The following MEIS2 variants were observed in gnomAD, a reference collection of about 807,000 sequenced individuals.
MEIS2 encodes the protein homeobox protein Meis2.
In MEIS2, 9 loss-of-function variants were observed where a neutral mutation model predicts 58.6. The ratio of observed to expected loss-of-function variants is 0.15; its 90% CI spans 0.09 to 0.27. The LOEUF is 0.27. Ranked by LOEUF, MEIS2 falls within the 10% of genes least tolerant of loss-of-function variation. The probability of loss-of-function intolerance (pLI) is 1.00; values close to 1 mark genes in which losing one functional copy is unlikely to be tolerated. For missense variants in MEIS2, 427 were observed against 635.0 expected, an observed-to-expected ratio of 0.67 and a Z score of 3.52; for synonymous variants, 221 against 228.4, an observed-to-expected ratio of 0.97 and a Z score of 0.29.
At chr15:36,971,537 T>TAA (rs71126247) in intron 8 of MEIS2, among the ~76,000 whole-genome samples, 9 of 67,086 alleles carry the variant, frequency 1.3e-4, no homozygotes, top group African/African-American at 2.1e-4. Flanking sequence ...CTTGTTACAT[T>TAA]AAAAAAAAAA....
At chr15:36,982,189 C>T (rs960423957) in intron 8 of MEIS2, among the ~76,000 whole-genome samples, 4 of 152,216 alleles carry the variant, frequency 2.6e-5, no homozygotes, top group Admixed American at 2.6e-4. Flanking sequence ...TCTGGAGAAT[C>T]CTGACTGATA....
intron 9 of MEIS2, among the ~76,000 whole-genome samples, chr15:36,930,979 CAGTG>C (rs1431590131): frequency 1.3e-5 from 2 of 152,184 alleles, no homozygotes; most frequent in South Asian, 2.1e-4. Context: ...ATCAAAATTG[CAGTG>C]AGTAAGTGGT....
At position 36,895,031 on chromosome 15, in the gene MEIS2, G is replaced by A. The variant is rs1271752242; in HGVS notation, c.1147+120C>T. 8 of 967,538 alleles carry A rather than the reference G, an allele frequency of 8.3e-6. No homozygotes were observed. In the Admixed American group the frequency reaches 1.3e-4, roughly 16 times the overall value. The allele number at this position is 967,538 out of a possible 1,614,324, so 59.9% of individuals were successfully genotyped here. The stretch of plus-strand genomic sequence containing the variant: ...CCACCCAATGTAAAGAAAGCAGGCA[G>A]AGCAGGCAGCAGGCAAATGTTAAAC... On this transcript the variant is annotated intron_variant, in intron 11 of 11. Transcript: ENST00000561208.
At position 36,890,375 on chromosome 15, in the gene MEIS2, ATTTTGTTTTG is replaced by A. The variant is rs895483614; in HGVS notation, c.*1788_*1797del. On this transcript the variant is annotated 3_prime_UTR_variant, in exon 12 of 12. Transcript: ENST00000561208. ...TTTTGAAAATGGCATTATACCGTCC[ATTTTGTTTTG>A]TTTTGTTTTCAGAAAAAAGTTTAAG... is the stretch of plus-strand genomic sequence containing the variant. 1.3e-5 allele frequency: 2 copies of A among 152,126 alleles called. No homozygotes were observed. Among genetic ancestry groups the A allele is most frequent in the African/African-American group, 4.8e-5 (2 of 41,444 alleles). The allele number at this position is 152,126 out of a possible 1,614,324, so 9.4% of individuals were successfully genotyped here. A position where few individuals can be genotyped will look rare whatever the true frequency, so the allele number is the denominator to read the frequency against.
intron 8 of MEIS2, among the ~76,000 whole-genome samples, chr15:37,034,268 G>C (rs947006403): frequency 6.6e-6 from 1 of 152,110 alleles, no homozygotes; most frequent in Non-Finnish European, 1.5e-5. Context: ...GAAAAATGGG[G>C]AAACAGAAAG....
At chr15:36,992,546 A>G (rs1321931001) in intron 8 of MEIS2, among the ~76,000 whole-genome samples, 2 of 152,136 alleles carry the variant, frequency 1.3e-5, no homozygotes, top group African/African-American at 2.4e-5. Context: ...TTTACTGTAA[A>G]TGGTGTTGTC....
intron 8 of MEIS2, among the ~76,000 whole-genome samples, chr15:37,017,459 A>G (rs1410524473): frequency 6.6e-6 from 1 of 152,044 alleles, no homozygotes; most frequent in African/African-American, 2.4e-5. Flanking sequence ...AAACATTTAG[A>G]AGTGAACTGG....
intron 7 of MEIS2, among the ~76,000 whole-genome samples, chr15:37,049,704 T>A (rs964888597): frequency 6.6e-6 from 1 of 151,902 alleles, no homozygotes; most frequent in Non-Finnish European, 1.5e-5. Flanking sequence ...GTCATGCTGG[T>A]CTCGAACTCC....
chr15:36,946,014 C>T (rs993393640), intron 9 of MEIS2, among the ~76,000 whole-genome samples: 5 of 151,812 alleles, frequency 3.3e-5, no homozygotes, highest in Non-Finnish European at 5.9e-5. Context: ...TACAGTATTC[C>T]TTCCTTTTAA....
intron 8 of MEIS2, among the ~76,000 whole-genome samples, chr15:36,960,123 C>G (rs1379271843): frequency 1.3e-5 from 2 of 152,098 alleles, no homozygotes; most frequent in Non-Finnish European, 2.9e-5. Flanking sequence ...ATTTTACTTG[C>G]ACAGATTATG....
chr15:36,894,813 C>T, intron 11 of MEIS2: 1 of 1,608,596 alleles, frequency 6.2e-7, no homozygotes, highest in Non-Finnish European at 8.5e-7. Context: ...CTCATAGGTC[C>T]TAGAAAGGAG....
rs1407458581 is a variant in MEIS2 at position 37,092,519 on chromosome 15, G to T, written c.639+1062C>A. The stretch of plus-strand genomic sequence containing the variant: ...AACTACAGCTTATATTATTTAGGCT[G>T]TGAGTTCAACTGAATGTAATCTATA... On this transcript the variant is annotated intron_variant, in intron 6 of 11. Coordinates refer to ENST00000561208, the MANE Select transcript of MEIS2 (RefSeq NM_170675.5). 2.0e-5 allele frequency among the ~76,000 whole-genome samples: 3 copies of T among 151,844 alleles called. No homozygotes were observed. In the East Asian group the frequency reaches 5.8e-4, roughly 29 times the overall value.
intron 7 of MEIS2, among the ~76,000 whole-genome samples, chr15:37,057,018 G>A (rs571109635): frequency 6.6e-6 from 1 of 152,286 alleles, no homozygotes; most frequent in East Asian, 1.9e-4. Flanking sequence ...TTGTACTAAT[G>A]ACAAATAGCT....
chr15:37,057,370 A>G (rs1445728962), intron 7 of MEIS2, among the ~76,000 whole-genome samples: 3 of 152,166 alleles, frequency 2.0e-5, no homozygotes, highest in Non-Finnish European at 1.5e-5. Context: ...TAAATTAGTC[A>G]GGCCATGTGG....
chr15:37,069,812 T>C (rs921840120), intron 7 of MEIS2, among the ~76,000 whole-genome samples: 2 of 152,086 alleles, frequency 1.3e-5, no homozygotes, highest in African/African-American at 4.8e-5. Flanking sequence ...TCTAGGACAG[T>C]GAGATGTAGA....
At chr15:36,930,107 G>A (rs1309448758) in intron 9 of MEIS2, among the ~76,000 whole-genome samples, 1 of 151,324 alleles carries the variant, frequency 6.6e-6, no homozygotes, top group East Asian at 2.0e-4. Flanking sequence ...GGAGGTTGAG[G>A]CAGGAGAATT....
At chr15:37,037,672 T>C (rs2062219011) in intron 7 of MEIS2, among the ~76,000 whole-genome samples, 1 of 152,272 alleles carries the variant, frequency 6.6e-6, no homozygotes, top group Admixed American at 6.5e-5. Flanking sequence ...ACAGTCATAG[T>C]TATTTTTTCT....
chr15:37,026,651 G>A (rs1567198076), intron 8 of MEIS2, among the ~76,000 whole-genome samples: 1 of 152,078 alleles, frequency 6.6e-6, no homozygotes, highest in Non-Finnish European at 1.5e-5. Context: ...GTGGCTGGAA[G>A]GAAACTAATT....
intron 8 of MEIS2, among the ~76,000 whole-genome samples, chr15:36,977,353 T>A (rs1390911552): frequency 3.3e-5 from 5 of 152,066 alleles, no homozygotes; most frequent in Non-Finnish European, 5.9e-5. Flanking sequence ...TGAGACACAC[T>A]GAAACACAAA....
Sources: allele counts gnomAD v4.1 joint callset (sites outside exome capture counted in the v4.1 genomes callset), GRCh38; gene constraint gnomAD v4.1.1; transcripts MANE v1.5; gene names NCBI Gene and HGNC (gene_info 2026-07-23, HGNC 2026-07-21).